Variants in PMFBP1 observed in about 807,000 individuals in gnomAD.
PMFBP1 encodes polyamine-modulated factor 1-binding protein 1.
PMFBP1 carries 131 observed loss-of-function variants against 137.8 expected under a neutral mutation model. That is an observed-to-expected ratio of 0.95 (90% CI 0.82 to 1.10). PMFBP1 has a LOEUF of 1.10. Ranked by LOEUF, PMFBP1 falls within the 50% of genes least tolerant of loss-of-function variation. The pLI is 0.00. For missense variants in PMFBP1, 1,199 were observed against 1,175.4 expected (o/e 1.02, Z -0.29); for synonymous variants, 490 against 450.4 (o/e 1.09, Z -1.11).
chr16:72,186,631 G>A, the PMFBP1 span, among the ~76,000 whole-genome samples: 1 of 152,192 alleles, frequency 6.6e-6, no homozygotes, highest in Non-Finnish European at 1.5e-5. Flanking sequence ...CGAATAGACA[G>A]AGAGAGGAAG....
intron 2 of PMFBP1, among the ~76,000 whole-genome samples, chr16:72,165,177 T>C (rs2043126912): frequency 6.6e-6 from 1 of 152,186 alleles, no homozygotes. Context: ...ACAATTCCCC[T>C]GTTTTTCAAG....
the PMFBP1 span, among the ~76,000 whole-genome samples, chr16:72,200,905 G>A: frequency 3.9e-5 from 6 of 152,206 alleles, no homozygotes; most frequent in African/African-American, 1.4e-4. Context: ...AGGGGAGAAA[G>A]GGAGTTGCCT....
At chr16:72,165,428 T>C (rs1229368167) in intron 2 of PMFBP1, among the ~76,000 whole-genome samples, 1 of 151,756 alleles carries the variant, frequency 6.6e-6, no homozygotes. Context: ...CTTTTTTTTT[T>C]TTTTGAGACG....
upstream of PMFBP1, among the ~76,000 whole-genome samples, chr16:72,179,364 C>A (rs1035000917): frequency 5.3e-5 from 8 of 152,162 alleles, no homozygotes; most frequent in Non-Finnish European, 8.8e-5. Flanking sequence ...TTCTGAGTGT[C>A]ATTTTACAAT....
At chr16:72,213,994 C>T in the PMFBP1 span, among the ~76,000 whole-genome samples, 1 of 152,070 alleles carries the variant, frequency 6.6e-6, no homozygotes, top group African/African-American at 2.4e-5. Flanking sequence ...AATGAGATAA[C>T]TATGTTCTCA....
the PMFBP1 span, among the ~76,000 whole-genome samples, chr16:72,207,309 G>A: frequency 2.5e-4 from 38 of 152,100 alleles, no homozygotes; most frequent in Non-Finnish European, 5.4e-4. Flanking sequence ...AAAGCCACAG[G>A]GCTTGTGATT....
At chr16:72,146,014 C>T (rs1295952775) in intron 5 of PMFBP1, among the ~76,000 whole-genome samples, 2 of 152,144 alleles carry the variant, frequency 1.3e-5, no homozygotes, top group East Asian at 1.9e-4. Flanking sequence ...AGGGAATCCT[C>T]CCTAACTCAT....
At chr16:72,202,410 T>C in the PMFBP1 span, among the ~76,000 whole-genome samples, 1 of 152,340 alleles carries the variant, frequency 6.6e-6, no homozygotes, top group Non-Finnish European at 1.5e-5. Flanking sequence ...ACTCCTGGGC[T>C]CAAGCCATCC....
chr16:72,223,381 T>C, the PMFBP1 span, among the ~76,000 whole-genome samples: 3 of 152,174 alleles, frequency 2.0e-5, no homozygotes, highest in Non-Finnish European at 4.4e-5. Context: ...AGTTCCCGAT[T>C]ACAGGTCTGT....
chr16:72,125,628 A>G (rs1393480868), intron 15 of PMFBP1, among the ~76,000 whole-genome samples: 1 of 151,998 alleles, frequency 6.6e-6, no homozygotes, highest in African/African-American at 2.4e-5. Context: ...TCTCTTTCCA[A>G]TCCCATGAAT....
chr16:72,241,988 G>A, the PMFBP1 span, among the ~76,000 whole-genome samples: 4 of 151,932 alleles, frequency 2.6e-5, no homozygotes, highest in East Asian at 1.9e-4. Context: ...TGGACCCTCC[G>A]GACACATCTT....
the PMFBP1 span, among the ~76,000 whole-genome samples, chr16:72,189,846 G>A: frequency 1.3e-5 from 2 of 152,274 alleles, no homozygotes; most frequent in African/African-American, 4.8e-5. Flanking sequence ...AATTTGGTGG[G>A]TAGGAGGCTA....
chr16:72,139,492 A>G, intron 6 of PMFBP1, 93 bp from the exon 7 acceptor site: 2 of 1,013,454 alleles, frequency 2.0e-6, no homozygotes, highest in Non-Finnish European at 3.0e-6. Context: ...TCTGCAGCAT[A>G]AGTTTGTTGC....
chr16:72,160,198 TG>T (rs1257177121), intron 3 of PMFBP1, among the ~76,000 whole-genome samples: 1 of 152,258 alleles, frequency 6.6e-6, no homozygotes, highest in Non-Finnish European at 1.5e-5. Flanking sequence ...AAAGTCACGT[TG>T]GTTTCCACCC....
At chr16:72,222,135 G>C in the PMFBP1 span, among the ~76,000 whole-genome samples, 2 of 152,126 alleles carry the variant, frequency 1.3e-5, no homozygotes, top group South Asian at 4.1e-4. Flanking sequence ...GGGTTTTTTG[G>C]TTTGGTTGGT....
At chr16:72,210,986 T>TAA in the PMFBP1 span, among the ~76,000 whole-genome samples, 1 of 152,194 alleles carries the variant, frequency 6.6e-6, no homozygotes, top group Non-Finnish European at 1.5e-5. Context: ...GATTCTTTGC[T>TAA]AGGTAAGTTC....
intron 5 of PMFBP1, among the ~76,000 whole-genome samples, chr16:72,148,527 A>G (rs2042850146): frequency 6.6e-6 from 1 of 152,226 alleles, no homozygotes; most frequent in African/African-American, 2.4e-5. Context: ...AATAATAAAA[A>G]ATAAAAAAAA....
upstream of PMFBP1, chr16:72,176,753 T>C (rs148142335): frequency 3.2e-4 from 49 of 152,374 alleles, 1 homozygote; most frequent in African/African-American, 1.0e-3. Flanking sequence ...CTGAATCTAA[T>C]GCAAGCTGAC....
intron 5 of PMFBP1, among the ~76,000 whole-genome samples, chr16:72,142,773 T>G (rs752269088): frequency 3.3e-5 from 5 of 152,176 alleles, no homozygotes; most frequent in Non-Finnish European, 5.9e-5. Context: ...CTGGGTTTAT[T>G]TGTAATATTA....
Sources: gnomAD v4.1 joint callset for allele counts (sites outside exome capture counted in the v4.1 genomes callset) on GRCh38, gnomAD v4.1.1 for gene constraint, MANE v1.5 for transcripts, NCBI Gene and HGNC (gene_info 2026-07-23, HGNC 2026-07-21) for gene names.